MANBA: variants seen among roughly 807,000 people sequenced by gnomAD.
MANBA encodes the protein mannosidase beta.
In MANBA, 83 loss-of-function variants were observed where a neutral mutation model predicts 111.1. The ratio of observed to expected loss-of-function variants is 0.75; its 90% confidence interval spans 0.63 to 0.90. The LOEUF (loss-of-function observed/expected upper bound fraction) is 0.90, where lower values mean the gene tolerates loss of function less well. Ranked by LOEUF, MANBA falls within the 40% of genes least tolerant of loss-of-function variation. The pLI is 0.00. For missense variants in MANBA, 1,036 were observed against 1,069.0 expected (o/e 0.97, Z 0.43); for synonymous variants, 370 against 378.7 (o/e 0.98, Z 0.27).
chr4:102,636,103 A>G, intron 14 of MANBA, 96 bp from the exon 15 acceptor site: 3 of 1,100,998 alleles, frequency 2.7e-6, no homozygotes, highest in Non-Finnish European at 4.1e-6. Context: ...CGGGGTTCTA[A>G]GGGAGTGAGC....
Position 102,689,354 on chromosome 4 carries a change from AAAAAAAT to A in MANBA, c.960+213_960+219del, listed in dbSNP as rs1283852798. ...ACAGAGCAAGACTCTGTCTCAAAAA[AAAAAAAT>A]ATATATATATATATATATGTGTGTG... On this transcript the variant is annotated intron_variant, in intron 7 of 16. Transcript: ENST00000647097. Among the ~76,000 whole-genome samples the A allele has an allele frequency of 6.4e-3, 718 of 113,040 alleles. 5 individuals are homozygous for A. The highest frequency in any genetic ancestry group is 0.023 in the African/African-American group (694 of 29,664). The allele number at this position is 113,040 out of a possible 152,430, so 74.2% of individuals were successfully genotyped here.
intron 2 of MANBA, among the ~76,000 whole-genome samples, chr4:102,725,274 T>G (rs1331908135): frequency 6.6e-6 from 1 of 152,196 alleles, no homozygotes; most frequent in Non-Finnish European, 1.5e-5. Flanking sequence ...AAGTATTTTT[T>G]TTAAAACTAG....
chr4:102,756,510 T>C lies in MANBA; in HGVS notation c.177+4208A>G, dbSNP rs554168616. On this transcript the variant is annotated intron_variant, in intron 1 of 16. Transcript: ENST00000647097. ...CTGGGGGAGGGATAGCATTAGGAGATATACCTAATGTAAATGAGGTTAACG... is the reference window on the plus strand; with the variant it reads ...CTGGGGGAGGGATAGCATTAGGAGACATACCTAATGTAAATGAGGTTAACG... 2.0e-5 allele frequency among the ~76,000 whole-genome samples: 3 copies of C among 152,052 alleles called. No individual in the cohort carries two copies. In the South Asian group the frequency reaches 6.3e-4, roughly 32 times the overall value.
At chr4:102,633,323 C>T in intron 16 of MANBA, 1 of 398,682 alleles carries the variant, frequency 2.5e-6, no homozygotes. Flanking sequence ...CCAGCCTGCC[C>T]AGGAAGCTGC....
At chr4:102,721,356 A>T (rs1722565953) in intron 4 of MANBA, among the ~76,000 whole-genome samples, 1 of 152,088 alleles carries the variant, frequency 6.6e-6, no homozygotes, top group African/African-American at 2.4e-5. Flanking sequence ...ATAAATAAAT[A>T]AATTCAATCC....
intron 1 of MANBA, among the ~76,000 whole-genome samples, chr4:102,736,149 G>A (rs1723209243): frequency 6.6e-6 from 1 of 152,148 alleles, no homozygotes; most frequent in Admixed American, 6.5e-5. Flanking sequence ...AAGTGGTGGA[G>A]GACTGACTCA....
intron 5 of MANBA, among the ~76,000 whole-genome samples, chr4:102,705,389 C>T (rs780582444): frequency 1.4e-4 from 21 of 152,170 alleles, no homozygotes; most frequent in Non-Finnish European, 2.9e-4. Flanking sequence ...TGACTTTGGG[C>T]TTAATAGCCC....
intron 13 of MANBA, among the ~76,000 whole-genome samples, chr4:102,642,479 T>G (rs1356553844): frequency 1.3e-5 from 2 of 151,998 alleles, no homozygotes; most frequent in Admixed American, 1.3e-4. Flanking sequence ...TGGTGGCACA[T>G]GCCTGTAGTC....
chr4:102,674,739 A>G (rs1270080461), intron 7 of MANBA, among the ~76,000 whole-genome samples: 5 of 152,206 alleles, frequency 3.3e-5, no homozygotes, highest in African/African-American at 1.2e-4. Flanking sequence ...TCCCCCAGTT[A>G]AGCATGGGCA....
intron 12 of MANBA, among the ~76,000 whole-genome samples, chr4:102,656,274 T>A (rs1422482789): frequency 6.6e-6 from 1 of 151,430 alleles, no homozygotes; most frequent in Non-Finnish European, 1.5e-5. Context: ...ACAAAATGGC[T>A]AAAGGATTTG....
chr4:102,657,626 AAC>A (rs1730623043), intron 12 of MANBA, 54 bp downstream of exon 12: 2 of 1,387,614 alleles, frequency 1.4e-6, no homozygotes, highest in African/African-American at 2.8e-5. Flanking sequence ...GATCAGAATA[AAC>A]ACATGCCCAC....
chr4:102,670,450 G>A (rs546897682), intron 9 of MANBA, among the ~76,000 whole-genome samples: 49 of 152,126 alleles, frequency 3.2e-4, no homozygotes, highest in African/African-American at 9.9e-4. Context: ...CCTAGTCTTC[G>A]GTGGCACTCT....
chr4:102,741,312 G>T (rs1442227903), intron 1 of MANBA, among the ~76,000 whole-genome samples: 2 of 152,146 alleles, frequency 1.3e-5, no homozygotes, highest in African/African-American at 4.8e-5. Context: ...CATGGATATG[G>T]TGAAAAAGGA....
chr4:102,682,017 C>T (rs1195264698), intron 7 of MANBA, among the ~76,000 whole-genome samples: 8 of 151,732 alleles, frequency 5.3e-5, no homozygotes, highest in East Asian at 1.9e-4. Context: ...CATGGTGGTG[C>T]GTGCCTGCAA....
chr4:102,710,487 G>A lies in MANBA; in HGVS notation c.673+3951C>T, dbSNP rs539487442. On this transcript the variant is annotated intron_variant, in intron 5 of 16. Coordinates refer to ENST00000647097, the MANE Select transcript of MANBA (RefSeq NM_005908.4). ...GACCTCTACAAGGAAAACTATAAACGTCTGATGAAATAAATTGAAGAGGTC... is the reference window on the plus strand; with the variant it reads ...GACCTCTACAAGGAAAACTATAAACATCTGATGAAATAAATTGAAGAGGTC... Among the ~76,000 whole-genome samples, 4 of 152,076 alleles carry A rather than the reference G, an allele frequency of 2.6e-5. No homozygotes were observed. The East Asian group carries it at 5.8e-4, about 22-fold the overall frequency.
chr4:102,678,744 G>T (rs1026556835), intron 7 of MANBA, among the ~76,000 whole-genome samples: 3 of 152,284 alleles, frequency 2.0e-5, no homozygotes, highest in Non-Finnish European at 4.4e-5. Flanking sequence ...GTGCAGGATA[G>T]TTGAATGCAT....
intron 1 of MANBA, chr4:102,729,854 T>C: frequency 6.9e-7 from 1 of 1,457,050 alleles, no homozygotes; most frequent in Non-Finnish European, 9.6e-7. Flanking sequence ...ATACCTTGTC[T>C]ATGAAGGAGG....
At chr4:102,689,194 C>T (rs1732357016) in intron 7 of MANBA, among the ~76,000 whole-genome samples, 1 of 151,886 alleles carries the variant, frequency 6.6e-6, no homozygotes, top group Non-Finnish European at 1.5e-5. Context: ...ACTAAAAATA[C>T]AAAAGTTAGC....
In MANBA at chr4:102,722,792, G is replaced by A. The variant is rs534169968; in HGVS notation, c.549+79C>T. On this transcript the variant is annotated intron_variant, in intron 4 of 16. Coordinates refer to ENST00000647097, the MANE Select transcript of MANBA (RefSeq NM_005908.4). ...ATTCCTAACTTCTGAAATGCCATGG[G>A]AGTCTTCAAATAAGCATTTCATATG... 53 of 1,396,970 alleles carry A rather than the reference G, an allele frequency of 3.8e-5. 2 individuals are homozygous for A. The South Asian group carries it at 6.1e-4, about 16-fold the overall frequency. The allele number at this position is 1,396,970 out of a possible 1,614,324, so 86.5% of individuals were successfully genotyped here.
Sources: allele counts gnomAD v4.1 joint callset (sites outside exome capture counted in the v4.1 genomes callset), GRCh38; gene constraint gnomAD v4.1.1; transcripts MANE v1.5; gene names NCBI Gene and HGNC (gene_info 2026-07-23, HGNC 2026-07-21).